TRPS1: variants seen among roughly 807,000 people sequenced by gnomAD.
TRPS1 encodes transcriptional repressor GATA binding 1.
Under a neutral mutation model 101.2 loss-of-function variants are expected in TRPS1, and 6 were observed. The ratio of observed to expected loss-of-function variants is 0.06; its 90% CI spans 0.03 to 0.12. TRPS1 has a LOEUF of 0.12. TRPS1 is among the 10% of genes least tolerant of loss of function. The pLI is 1.00. For synonymous variants in TRPS1, 578 were observed against 589.8 expected, an observed-to-expected ratio of 0.98 and a Z score of 0.29; for missense variants, 1,363 against 1,567.0, an observed-to-expected ratio of 0.87 and a Z score of 2.20.
chr8:115,608,558 T>C (rs1818091378), intron 3 of TRPS1, among the ~76,000 whole-genome samples: 1 of 147,334 alleles, frequency 6.8e-6, no homozygotes, highest in African/African-American at 2.7e-5. Context: ...AAAAGATACA[T>C]TATTTAACCT....
At chr8:115,430,427 T>C (rs1022007069) in intron 5 of TRPS1, among the ~76,000 whole-genome samples, 2 of 150,742 alleles carry the variant, frequency 1.3e-5, no homozygotes, top group Non-Finnish European at 1.5e-5. Context: ...GCAGAAGAGA[T>C]GCTACTGCCA....
At chr8:115,586,834 C>G (rs1280510062) in intron 5 of TRPS1, 167 bp downstream of exon 5, 1 of 1,115,150 alleles carries the variant, frequency 9.0e-7, no homozygotes, top group Non-Finnish European at 1.3e-6. Context: ...CACACAAACA[C>G]ACATGAGTTA....
intron 6 of TRPS1, 150 bp from the exon 7 acceptor site, chr8:115,415,234 T>C: frequency 2.3e-6 from 2 of 875,988 alleles, no homozygotes; most frequent in Non-Finnish European, 1.7e-6. Context: ...CCTTTTGCCC[T>C]AAGCAGGATC....
chr8:115,491,815 A>G (rs1236443645), intron 5 of TRPS1, among the ~76,000 whole-genome samples: 2 of 152,212 alleles, frequency 1.3e-5, no homozygotes, highest in African/African-American at 4.8e-5. Flanking sequence ...AATGATAAGT[A>G]TCTAGATAAT....
At chr8:115,630,785 T>C (rs146483737) in intron 1 of TRPS1, among the ~76,000 whole-genome samples, 133 of 152,186 alleles carry the variant, frequency 8.7e-4, no homozygotes, top group Non-Finnish European at 1.4e-3. Flanking sequence ...TTAAATCGCT[T>C]GTCTAGGTGC....
At chr8:115,499,330 T>C (rs1186324941) in intron 5 of TRPS1, among the ~76,000 whole-genome samples, 2 of 152,236 alleles carry the variant, frequency 1.3e-5, no homozygotes, top group East Asian at 3.9e-4. Context: ...ATTGTGCTTC[T>C]TTAGAAAATA....
intron 5 of TRPS1, among the ~76,000 whole-genome samples, chr8:115,580,192 C>A (rs1046533560): frequency 7.1e-6 from 1 of 140,282 alleles, no homozygotes; most frequent in Non-Finnish European, 1.5e-5. Context: ...CTTACAAACA[C>A]TTAAGGAAAG....
Position 115,452,422 on chromosome 8 carries a change from C to CA in TRPS1, c.2701-33971dup, listed in dbSNP as rs200515797. ...ATTTTACTGGTATCTTTTCACCAAA[C>CA]AAAAAAAAATATATTATGTATTATA... On this transcript the variant is annotated intron_variant, in intron 5 of 6. Transcript: ENST00000395715. 7.2e-4 allele frequency among the ~76,000 whole-genome samples: 108 copies of CA among 149,844 alleles called. 1 individual carries two copies. In the East Asian group the frequency reaches 0.016, roughly 22 times the overall value.
chr8:115,440,469 A>G (rs1813565424), intron 5 of TRPS1, among the ~76,000 whole-genome samples: 1 of 152,208 alleles, frequency 6.6e-6, no homozygotes, highest in African/African-American at 2.4e-5. Flanking sequence ...AGGTGCCTGT[A>G]AGTTGTAACA....
intron 6 of TRPS1, among the ~76,000 whole-genome samples, chr8:115,417,829 T>A (rs1812958635): frequency 6.6e-6 from 1 of 152,150 alleles, no homozygotes; most frequent in African/African-American, 2.4e-5. Context: ...CCTAATTCAG[T>A]TCAGAACTGT....
At chr8:115,454,799 T>C (rs1457308475) in intron 5 of TRPS1, among the ~76,000 whole-genome samples, 1 of 152,136 alleles carries the variant, frequency 6.6e-6, no homozygotes, top group African/African-American at 2.4e-5. Flanking sequence ...AAATGTAAAT[T>C]TTTCATGGTA....
At chr8:115,434,190 T>A (rs1001352782) in intron 5 of TRPS1, among the ~76,000 whole-genome samples, 2 of 152,206 alleles carry the variant, frequency 1.3e-5, no homozygotes, top group African/African-American at 4.8e-5. Flanking sequence ...AATACAAAAG[T>A]TAGACAAATA....
intron 5 of TRPS1, among the ~76,000 whole-genome samples, chr8:115,564,849 C>T (rs1292600828): frequency 6.6e-6 from 1 of 152,114 alleles, no homozygotes; most frequent in Admixed American, 6.6e-5. Context: ...CCACCATCCA[C>T]ACTCATGGTA....
chr8:115,457,023 C>A (rs770385237), intron 5 of TRPS1, among the ~76,000 whole-genome samples: 1 of 152,086 alleles, frequency 6.6e-6, no homozygotes, highest in African/African-American at 2.4e-5. Context: ...ACAAATTAGA[C>A]AACATTTTTT....
chr8:115,654,129 G>A (rs947405235), intron 1 of TRPS1, among the ~76,000 whole-genome samples: 1 of 152,120 alleles, frequency 6.6e-6, no homozygotes, highest in South Asian at 2.1e-4. Flanking sequence ...AAATATTCCT[G>A]TATTTCCACT....
chr8:115,469,489 G>T (rs1013141361), intron 5 of TRPS1, among the ~76,000 whole-genome samples: 1 of 152,022 alleles, frequency 6.6e-6, no homozygotes, highest in Admixed American at 6.6e-5. Context: ...ATGGGCTACA[G>T]TCAGGTTTTT....
At chr8:115,445,943 T>C (rs59384725) in intron 5 of TRPS1, among the ~76,000 whole-genome samples, 19 of 152,272 alleles carry the variant, frequency 1.2e-4, no homozygotes, top group African/African-American at 4.6e-4. Context: ...ATGATGAATA[T>C]ATTTATTATG....
chr8:115,553,241 A>G (rs980663821), intron 5 of TRPS1, among the ~76,000 whole-genome samples: 9 of 152,038 alleles, frequency 5.9e-5, no homozygotes, highest in Non-Finnish European at 1.2e-4. Context: ...TTTTACCAAG[A>G]TTATTGAGAT....
At chr8:115,425,030 T>C (rs2129800165) in intron 5 of TRPS1, among the ~76,000 whole-genome samples, 1 of 152,278 alleles carries the variant, frequency 6.6e-6, no homozygotes, top group South Asian at 2.1e-4. Context: ...ATATACTGAA[T>C]TCAGGAGCTA....
Sources: gnomAD v4.1 joint callset for allele counts (sites outside exome capture counted in the v4.1 genomes callset) on GRCh38, gnomAD v4.1.1 for gene constraint, MANE v1.5 for transcripts, NCBI Gene and HGNC (gene_info 2026-07-23, HGNC 2026-07-21) for gene names.